QTMAN: variants seen among roughly 807,000 people sequenced by gnomAD.
QTMAN encodes tRNA-queuosine alpha-mannosyltransferase.
At chr2:143,998,434 G>GC in the QTMAN span, among the ~76,000 whole-genome samples, 1 of 147,226 alleles carries the variant, frequency 6.8e-6, no homozygotes, top group African/African-American at 2.6e-5. Flanking sequence ...GACGACAGAA[G>GC]GGGGGGGAAA....
the QTMAN span, chr2:143,951,972 C>A: frequency 1.5e-6 from 2 of 1,377,264 alleles, no homozygotes; most frequent in Non-Finnish European, 1.0e-6. Flanking sequence ...AATCTCTTCT[C>A]AATAACTACC....
At chr2:144,073,605 G>A in the QTMAN span, among the ~76,000 whole-genome samples, 2 of 152,244 alleles carry the variant, frequency 1.3e-5, no homozygotes, top group South Asian at 2.1e-4. Context: ...ACCTGGTAGG[G>A]TCTCCCCTCC....
chr2:144,180,296 T>C, the QTMAN span, among the ~76,000 whole-genome samples: 1 of 152,184 alleles, frequency 6.6e-6, no homozygotes. Flanking sequence ...TGGTGACATT[T>C]TAAATGGAAA....
At chr2:144,284,556 C>CAA in the QTMAN span, among the ~76,000 whole-genome samples, 1 of 152,006 alleles carries the variant, frequency 6.6e-6, no homozygotes, top group Non-Finnish European at 1.5e-5. Flanking sequence ...TTTGTTTCCT[C>CAA]AATTTCTTTT....
the QTMAN span, among the ~76,000 whole-genome samples, chr2:144,063,639 A>T: frequency 1.3e-5 from 2 of 152,220 alleles, no homozygotes; most frequent in Non-Finnish European, 2.9e-5. Context: ...CAAAAGCTAA[A>T]GAACTGCTAT....
chr2:144,239,585 T>G, the QTMAN span, among the ~76,000 whole-genome samples: 1 of 152,206 alleles, frequency 6.6e-6, no homozygotes, highest in African/African-American at 2.4e-5. Context: ...TGATGTGAAC[T>G]AAGCTTCTTT....
the QTMAN span, among the ~76,000 whole-genome samples, chr2:143,968,998 A>G: frequency 6.6e-6 from 1 of 152,128 alleles, no homozygotes; most frequent in East Asian, 1.9e-4. Flanking sequence ...ATCTTTACCC[A>G]ATCTACTTTG....
the QTMAN span, among the ~76,000 whole-genome samples, chr2:144,010,958 T>G: frequency 1.3e-5 from 2 of 152,160 alleles, no homozygotes; most frequent in East Asian, 3.9e-4. Flanking sequence ...CAATTCCCTA[T>G]GGAAATGCTA....
the QTMAN span, chr2:143,946,238 A>C: frequency 1.2e-4 from 19 of 152,198 alleles, no homozygotes; most frequent in African/African-American, 4.3e-4. Flanking sequence ...CGCTGGGAAA[A>C]AAATTAAAAC....
chr2:143,964,100 T>C, the QTMAN span: 3 of 152,136 alleles, frequency 2.0e-5, no homozygotes, highest in South Asian at 2.1e-4. Context: ...TATTCAAAAT[T>C]ATTAAAATGT....
chr2:144,274,095 C>T, the QTMAN span, among the ~76,000 whole-genome samples: 1 of 152,088 alleles, frequency 6.6e-6, no homozygotes, highest in African/African-American at 2.4e-5. Context: ...GATCACGCCA[C>T]TACACTCCAG....
the QTMAN span, among the ~76,000 whole-genome samples, chr2:144,084,600 AT>A: frequency 2.0e-5 from 3 of 152,174 alleles, no homozygotes. Context: ...TCCTTCTCAG[AT>A]TTTACAACTA....
chr2:143,968,255 A>T, the QTMAN span, among the ~76,000 whole-genome samples: 1 of 152,194 alleles, frequency 6.6e-6, no homozygotes, highest in Non-Finnish European at 1.5e-5. Flanking sequence ...GCACGTGTAT[A>T]GACAATATGC....
chr2:144,002,319 G>A, the QTMAN span, among the ~76,000 whole-genome samples: 1 of 151,906 alleles, frequency 6.6e-6, no homozygotes, highest in Admixed American at 6.6e-5. Context: ...TGAGTTGTAA[G>A]CTAAACTAGT....
At chr2:144,161,168 CTAGCTGGGATCCTTCAT>C in the QTMAN span, among the ~76,000 whole-genome samples, 4 of 152,320 alleles carry the variant, frequency 2.6e-5, no homozygotes, top group East Asian at 7.7e-4. Context: ...TCATGTTCTA[CTAGCTGGGATCCTTCAT>C]TACTTCTTTC....
the QTMAN span, among the ~76,000 whole-genome samples, chr2:144,170,723 C>T: frequency 3.3e-5 from 5 of 152,014 alleles, no homozygotes; most frequent in Non-Finnish European, 5.9e-5. Flanking sequence ...GCGAGACATA[C>T]AGATTCAAGA....
the QTMAN span, among the ~76,000 whole-genome samples, chr2:144,193,408 C>T: frequency 1.4e-5 from 2 of 148,126 alleles, no homozygotes; most frequent in East Asian, 3.9e-4. Context: ...ATATACATTA[C>T]ATTATATATT....
the QTMAN span, among the ~76,000 whole-genome samples, chr2:144,070,153 A>G: frequency 1.3e-5 from 2 of 152,274 alleles, no homozygotes; most frequent in South Asian, 4.1e-4. Flanking sequence ...ACTTTCTAAG[A>G]ACAAAGATCC....
the QTMAN span, among the ~76,000 whole-genome samples, chr2:144,184,072 T>C: frequency 1.3e-5 from 2 of 152,076 alleles, no homozygotes; most frequent in African/African-American, 4.8e-5. Context: ...CTGGGATAAG[T>C]TAGAGAGTAT....
Sources: gnomAD v4.1 joint callset for allele counts (sites outside exome capture counted in the v4.1 genomes callset) on GRCh38, gnomAD v4.1.1 for gene constraint, MANE v1.5 for transcripts, NCBI Gene and HGNC (gene_info 2026-07-23, HGNC 2026-07-21) for gene names.